EGR4: variants seen among roughly 807,000 people sequenced by gnomAD.
EGR4 encodes early growth response protein 4.
EGR4 carries 22 observed loss-of-function variants against 25.4 expected under a neutral mutation model. The ratio of observed to expected loss-of-function variants is 0.87; its 90% CI spans 0.62 to 1.24. The LOEUF is 1.24. EGR4 is among the 50% of genes most tolerant of loss of function. The pLI is 0.00. For missense variants in EGR4, 742 were observed against 702.9 expected (o/e 1.06, Z -0.63); for synonymous variants, 375 against 320.1 (o/e 1.17, Z -1.83).
At position 73,291,876 on chromosome 2, in the gene EGR4, G is replaced by A. The variant is rs1225618069; in HGVS notation, c.1042C>T (p.Pro348Ser). The change falls in exon 2 of 2, where the codon CCC becomes TCC. Residue 348 changes from proline to serine, a missense_variant. Coordinates refer to ENST00000436467, the MANE Select transcript of EGR4 (RefSeq NM_001965.4). ...VAAPPVPPPP[P>S]TPFPQAKARR... ...GCCTTGGCCTGGGGGAAAGGGGTGG[G>A]CGGCGGCGGCGGCACGGGTGGTGCA... is the stretch of plus-strand genomic sequence containing the variant. 6.4e-7 allele frequency: 1 copy of A among 1,564,038 alleles called. No individual in the cohort carries two copies. Among genetic ancestry groups the A allele is most frequent in the Non-Finnish European group, 8.6e-7 (1 of 1,159,482 alleles).
chr2:73,291,664 G>A lies in EGR4; in HGVS notation c.1254C>T (p.Asn418=), dbSNP rs898282939. 1 of 1,611,538 alleles carries A rather than the reference G, an allele frequency of 6.2e-7. No homozygotes were observed. The highest frequency in any genetic ancestry group is 1.1e-5 in the South Asian group (1 of 91,070). ...TGGTGAGGTGGTCGCTGCGGCTGAA[G>A]TTGCGGAGGCAGATGCGGCACTGGA... ...KPFQCRICLR[N]FSRSDHLTTH... is the part of the protein sequence containing the mutation. Residue 418 remains asparagine, a synonymous_variant, in exon 2 of 2, where the codon AAC becomes AAT. Coordinates refer to ENST00000436467, the MANE Select transcript of EGR4 (RefSeq NM_001965.4).
In EGR4 at chr2:73,292,435, G is replaced by T; in HGVS notation, c.483C>A (p.Ala161=). The change falls in exon 2 of 2, where the codon GCC becomes GCA. Residue 161 remains alanine, a synonymous_variant. Transcript: ENST00000436467. ...AAPFPEAFWE[A]SPCAGAPSQC... Reference sequence around the variant, plus strand: ...GCGAGGGGGCACCCGCGCAAGGCGAGGCCTCCCAGAACGCCTCTGGGAAAG... The same window carrying T: ...GCGAGGGGGCACCCGCGCAAGGCGATGCCTCCCAGAACGCCTCTGGGAAAG... 6.7e-7 allele frequency: 1 copy of T among 1,497,630 alleles called. No homozygotes were observed. The highest frequency in any genetic ancestry group is 8.9e-7 in the Non-Finnish European group (1 of 1,124,886). 92.8% of individuals were successfully genotyped at this position (1,497,630 alleles called of 1,614,324 possible).
rs1183680205 is a variant in EGR4 at position 73,292,202 on chromosome 2, T to A, written c.716A>T (p.Lys239Met). 6.3e-7 allele frequency: 1 copy of A among 1,593,798 alleles called. No individual in the cohort carries two copies. Among genetic ancestry groups the A allele is most frequent in the African/African-American group, 1.3e-5 (1 of 74,608 alleles). The change falls in exon 2 of 2, where the codon AAG becomes ATG. Residue 239 changes from lysine (K) to methionine (M), a missense_variant. By Grantham distance (95) the Lys-to-Met change is moderately conservative. Coordinates refer to ENST00000436467, the MANE Select transcript of EGR4 (RefSeq NM_001965.4). ...PEARFPVIGT[K>M]IEDLLSISCP... The stretch of plus-strand genomic sequence containing the variant: ...GCTGATGGACAGCAAGTCCTCAATC[T>A]TGGTCCCTATTACGGGAAAACGAGC...
At chr2:73,293,116 T>G (rs1275051042) in intron 1 of EGR4, 66 bp downstream of exon 1, 1 of 1,349,968 alleles carries the variant, frequency 7.4e-7, no homozygotes, top group African/African-American at 1.5e-5. Context: ...CCCTCCTGGT[T>G]CTCAGGTATG....
Position 73,292,672 on chromosome 2 carries a change from G to A in EGR4, c.246C>T (p.Tyr82=), listed in dbSNP as rs1360595541. 7.1e-6 allele frequency: 11 copies of A among 1,545,334 alleles called. No individual in the cohort carries two copies. Among genetic ancestry groups the A allele is most frequent in the Non-Finnish European group, 9.6e-6 (11 of 1,145,826 alleles). Residue 82 remains tyrosine, a synonymous_variant, in exon 2 of 2, where the codon TAC becomes TAT. Coordinates refer to ENST00000436467, the MANE Select transcript of EGR4 (RefSeq NM_001965.4). ...CTGCCTGAATGAAGAAGCTACCGCT[G>A]TAGCTGAGGCCGGGAGGGGGTGTGG... ...PAPTPPPGLS[Y]SGSFFIQAVP... is the part of the protein sequence containing the mutation.
Position 73,291,104 on chromosome 2 carries a change from G to T in EGR4, c.*353C>A, listed in dbSNP as rs1050889153. ...GCTGTACAAAGTCCCGCGCGAGACC[G>T]CCTTGGCGCTGCCCCAGCCTGTCTC... On this transcript the variant is annotated 3_prime_UTR_variant, in exon 2 of 2. Transcript: ENST00000436467. 3.2e-6 allele frequency: 1 copy of T among 308,614 alleles called. No individual in the cohort carries two copies. Among genetic ancestry groups the T allele is most frequent in the Admixed American group, 4.7e-5 (1 of 21,462 alleles). The allele number at this position is 308,614 out of a possible 1,614,324, so 19.1% of individuals were successfully genotyped here. A position where few individuals can be genotyped will look rare whatever the true frequency, so the allele number is the denominator to read the frequency against.
Position 73,292,586 on chromosome 2 carries a change from A to T in EGR4, c.332T>A (p.Leu111Gln). 3 of 1,512,258 alleles carry T rather than the reference A, an allele frequency of 2.0e-6. No individual in the cohort carries two copies. In the South Asian group the frequency reaches 4.0e-5, roughly 20 times the overall value. 93.7% of individuals were successfully genotyped at this position (1,512,258 alleles called of 1,614,324 possible). A position where few individuals can be genotyped will look rare whatever the true frequency, so the allele number is the denominator to read the frequency against. Residue 111 changes from leucine (L) to glutamine (Q), a missense_variant, in exon 2 of 2, where the codon CTG (leucine) becomes CAG (glutamine). Leu to Gln is a moderately radical substitution (Grantham distance 113, BLOSUM62 -2). Coordinates refer to ENST00000436467, the MANE Select transcript of EGR4 (RefSeq NM_001965.4). ...TGCCTCTGGACCGGGGAAGGGTGCC[A>T]GGCCTAAGATGCCCGACATGAGGTT... ...LFNLMSGILG[L>Q]APFPGPEAAA...
In EGR4 at chr2:73,293,493, C is replaced by G. The variant is rs1160764488; in HGVS notation, c.-176G>C. ...GTCGGGGAGCCGCGGCGCCCTCGCTCGCCCGCACCGGCCTCGGGCGGCGGC... is the reference window on the plus strand; with the variant it reads ...GTCGGGGAGCCGCGGCGCCCTCGCTGGCCCGCACCGGCCTCGGGCGGCGGC... On this transcript the variant is annotated 5_prime_UTR_variant, in exon 1 of 2. Coordinates refer to ENST00000436467, the MANE Select transcript of EGR4 (RefSeq NM_001965.4). The G allele has an allele frequency of 6.6e-7, 1 of 1,505,062 alleles. No individual in the cohort carries two copies. The allele number at this position is 1,505,062 out of a possible 1,614,324, so 93.2% of individuals were successfully genotyped here. A position where few individuals can be genotyped will look rare whatever the true frequency, so the allele number is the denominator to read the frequency against.
chr2:73,291,893 G>A lies in EGR4; in HGVS notation c.1025C>T (p.Pro342Leu). Reference sequence around the variant, plus strand: ...AGGGGTGGGCGGCGGCGGCGGCACGGGTGGTGCAGCCACGCCACTGCTTCC... The same window carrying A: ...AGGGGTGGGCGGCGGCGGCGGCACGAGTGGTGCAGCCACGCCACTGCTTCC... ...IPGSSGVAAPPVPPPPPTPFP... is the reference protein window; with the variant it reads ...IPGSSGVAAPLVPPPPPTPFP... The change falls in exon 2 of 2, where the codon CCC (proline) becomes CTC (leucine). Residue 342 changes from proline (P) to leucine (L), a missense_variant. By Grantham distance (98) the Pro-to-Leu change is moderately conservative. Transcript: ENST00000436467. 1 of 1,574,146 alleles carries A rather than the reference G, an allele frequency of 6.4e-7. No homozygotes were observed. The highest frequency in any genetic ancestry group is 8.6e-7 in the Non-Finnish European group (1 of 1,162,518).
chr2:73,292,736 CCA>C lies in EGR4; in HGVS notation c.180_181del (p.Ser60ArgfsTer25). 2 of 1,477,204 alleles carry C rather than the reference CCA, an allele frequency of 1.4e-6. No homozygotes were observed. The highest frequency in any genetic ancestry group is 1.8e-6 in the Non-Finnish European group (2 of 1,112,680). The allele number at this position is 1,477,204 out of a possible 1,614,324, so 91.5% of individuals were successfully genotyped here. On this transcript the variant is annotated frameshift_variant, in exon 2 of 2. Coordinates refer to ENST00000436467, the MANE Select transcript of EGR4 (RefSeq NM_001965.4). LOFTEE classifies it high-confidence loss of function. ...CAGGAAGCAGGAGTCGGCTAAGTCC[CCA>C]CTTGCGCCGCAGCTGTTCAAAGCCC...
rs774281394 is a variant in EGR4 at position 73,292,660 on chromosome 2, G to T, written c.258C>A (p.Phe86Leu). The T allele has an allele frequency of 8.4e-6, 13 of 1,547,092 alleles. No individual in the cohort carries two copies. Among genetic ancestry groups the T allele is most frequent in the Non-Finnish European group, 1.1e-5 (13 of 1,146,524 alleles). ...GGTGTTCGGGCACTGCCTGAATGAAGAAGCTACCGCTGTAGCTGAGGCCGG... is the reference window on the plus strand; with the variant it reads ...GGTGTTCGGGCACTGCCTGAATGAATAAGCTACCGCTGTAGCTGAGGCCGG... Reference protein sequence around the residue: ...PPPGLSYSGSFFIQAVPEHPH... With the variant: ...PPPGLSYSGSLFIQAVPEHPH... The change falls in exon 2 of 2, where the codon TTC (phenylalanine) becomes TTA (leucine). Residue 86 changes from phenylalanine (F) to leucine (L), a missense_variant. Coordinates refer to ENST00000436467, the MANE Select transcript of EGR4 (RefSeq NM_001965.4).
Position 73,292,687 on chromosome 2 carries a change from A to AG in EGR4, c.230dup (p.Pro78SerfsTer8). The AG allele has an allele frequency of 2.0e-6, 3 of 1,530,228 alleles. No homozygotes were observed. The highest frequency in any genetic ancestry group is 2.1e-5 in the Admixed American group (1 of 46,946). The allele number at this position is 1,530,228 out of a possible 1,614,324, so 94.8% of individuals were successfully genotyped here. ...AGCTACCGCTGTAGCTGAGGCCGGG[A>AG]GGGGGTGTGGGCGCAGGCCCCTCCA... is the stretch of plus-strand genomic sequence containing the variant. On this transcript the variant is annotated frameshift_variant, in exon 2 of 2. Coordinates refer to ENST00000436467, the MANE Select transcript of EGR4 (RefSeq NM_001965.4). LOFTEE classifies it high-confidence loss of function.
Position 73,291,316 on chromosome 2 carries a change from C to T in EGR4, c.*141G>A. ...TGCTGAATAGGGCGTGTGCGGCGGG[C>T]GCTTCAAGGAAACTGGAAGCGGGAC... is the stretch of plus-strand genomic sequence containing the variant. On this transcript the variant is annotated 3_prime_UTR_variant, in exon 2 of 2. Coordinates refer to ENST00000436467, the MANE Select transcript of EGR4 (RefSeq NM_001965.4). The T allele has an allele frequency of 1.7e-6, 2 of 1,184,488 alleles. No homozygotes were observed. The highest frequency in any genetic ancestry group is 2.3e-6 in the Non-Finnish European group (2 of 859,692). 73.4% of individuals were successfully genotyped at this position (1,184,488 alleles called of 1,614,324 possible).
At chr2:73,293,049 AC>A in intron 1 of EGR4, 132 bp downstream of exon 1, 1 of 1,000,022 alleles carries the variant, frequency 1.0e-6, no homozygotes, top group South Asian at 3.1e-5. Flanking sequence ...GGGGGTGCGC[AC>A]CCCAGGACTC....
rs1195009332 is a variant in EGR4, at chr2:73,293,411, G to A, written c.-94C>T. On this transcript the variant is annotated 5_prime_UTR_variant, in exon 1 of 2. Coordinates refer to ENST00000436467, the MANE Select transcript of EGR4 (RefSeq NM_001965.4). ...AGGCTGGCGGTAGGGGTTCCCCGCA[G>A]CGCACAGACCTAGGCGCCCGGGCTC... is the stretch of plus-strand genomic sequence containing the variant. 2 of 1,516,236 alleles carry A rather than the reference G, an allele frequency of 1.3e-6. 1 individual carries two copies. Among genetic ancestry groups the A allele is most frequent in the South Asian group, 2.5e-5 (2 of 80,164 alleles). 93.9% of individuals were successfully genotyped at this position (1,516,236 alleles called of 1,614,324 possible).
Position 73,291,048 on chromosome 2 carries a change from G to A in EGR4, c.*409C>T, listed in dbSNP as rs1477521851. 2 of 197,476 alleles carry A rather than the reference G, an allele frequency of 1.0e-5. No individual in the cohort carries two copies. The highest frequency in any genetic ancestry group is 2.0e-5 in the Non-Finnish European group (2 of 98,528). The allele number at this position is 197,476 out of a possible 1,614,324, so 12.2% of individuals were successfully genotyped here. ...AAGGAAAAAAAACCCAAAGCAAAAC[G>A]TTACATCCAATGGCTGCTGGATAAG... On this transcript the variant is annotated 3_prime_UTR_variant, in exon 2 of 2. Coordinates refer to ENST00000436467, the MANE Select transcript of EGR4 (RefSeq NM_001965.4).
chr2:73,292,298 G>C lies in EGR4; in HGVS notation c.620C>G (p.Pro207Arg). ...AVSAFKGPYA[P>R]WELLSVGAPG... ...GGCCCCCACAGAAAGCAGCTCCCAG[G>C]GCGCGTAGGGACCCTTGAAGGCAGA... Residue 207 changes from proline (P) to arginine (R), a missense_variant, in exon 2 of 2, where the codon CCC becomes CGC. By Grantham distance (103) the Pro-to-Arg change is moderately radical (BLOSUM62 -2). Transcript: ENST00000436467. The C allele has an allele frequency of 6.2e-7, 1 of 1,607,798 alleles. No homozygotes were observed. Among genetic ancestry groups the C allele is most frequent in the Non-Finnish European group, 8.5e-7 (1 of 1,176,220 alleles).
rs1472631644 is a variant in EGR4, at chr2:73,293,324, G to A, written c.-7C>T. ...ACTCGCTAAGGTGGAGCATGGCGCG[G>A]CGCCGGCTGTGGGGCGCCCGGGGCC... On this transcript the variant is annotated 5_prime_UTR_variant, in exon 1 of 2. Transcript: ENST00000436467. The A allele has an allele frequency of 2.5e-6, 4 of 1,573,878 alleles. No homozygotes were observed. The highest frequency in any genetic ancestry group is 3.4e-6 in the Non-Finnish European group (4 of 1,163,020).
Position 73,293,505 on chromosome 2 carries a change from CCTCGGG to C in EGR4, c.-194_-189del. The C allele has an allele frequency of 6.7e-7, 1 of 1,502,812 alleles. No individual in the cohort carries two copies. Among genetic ancestry groups the C allele is most frequent in the Non-Finnish European group, 8.8e-7 (1 of 1,130,484 alleles). The allele number at this position is 1,502,812 out of a possible 1,614,324, so 93.1% of individuals were successfully genotyped here. A position where few individuals can be genotyped will look rare whatever the true frequency, so the allele number is the denominator to read the frequency against. ...CGGCGCCCTCGCTCGCCCGCACCGGCCTCGGGCGGCGGCTCCTCGCCTCTCCAAAGC... is the reference window on the plus strand; with the variant it reads ...CGGCGCCCTCGCTCGCCCGCACCGGCCGGCGGCTCCTCGCCTCTCCAAAGC... On this transcript the variant is annotated 5_prime_UTR_variant, in exon 1 of 2. Coordinates refer to ENST00000436467, the MANE Select transcript of EGR4 (RefSeq NM_001965.4).
Sources: allele counts gnomAD v4.1 joint callset, GRCh38; gene constraint gnomAD v4.1.1; transcripts MANE v1.5; gene names NCBI Gene and HGNC (gene_info 2026-07-23, HGNC 2026-07-21).